Variants in ELMO1 observed in about 807,000 individuals in gnomAD.
The protein encoded by ELMO1 is engulfment and cell motility protein 1.
A neutral mutation model predicts 98.9 loss-of-function variants in ELMO1; 26 were observed. That is an observed-to-expected ratio of 0.26 (90% CI 0.19 to 0.36). The LOEUF (loss-of-function observed/expected upper bound fraction) is 0.36, where lower values mean the gene tolerates loss of function less well. ELMO1 is among the 10% of genes least tolerant of loss of function. ELMO1 has a pLI of 1.00. For missense variants in ELMO1, 627 were observed against 935.2 expected, an observed-to-expected ratio of 0.67 and a Z score of 4.30; for synonymous variants, 346 against 346.0, an observed-to-expected ratio of 1.00 and a Z score of 0.00.
chr7:37,359,247 C>T (rs1305440096), intron 1 of ELMO1, among the ~76,000 whole-genome samples: 3 of 152,192 alleles, frequency 2.0e-5, no homozygotes, highest in Non-Finnish European at 4.4e-5. Context: ...AAATGCACAG[C>T]CATTTTCTCC....
intron 5 of ELMO1, among the ~76,000 whole-genome samples, chr7:37,266,536 A>G (rs534111285): frequency 1.3e-5 from 2 of 152,360 alleles, no homozygotes; most frequent in African/African-American, 4.8e-5. Context: ...AAAAGAAGGC[A>G]TAATGGTCAA....
chr7:37,425,211 G>A (rs1317286393), intron 1 of ELMO1, among the ~76,000 whole-genome samples: 2 of 152,186 alleles, frequency 1.3e-5, no homozygotes, highest in African/African-American at 4.8e-5. Context: ...GTTGGGTTCT[G>A]GTGAGGGTGC....
At chr7:37,448,290 G>C (rs1805736190) in intron 1 of ELMO1, among the ~76,000 whole-genome samples, 1 of 139,270 alleles carries the variant, frequency 7.2e-6, no homozygotes. Flanking sequence ...CGCCAGCGTC[G>C]CAACCCTCCC....
At chr7:37,287,687 C>T (rs1433601038) in intron 4 of ELMO1, among the ~76,000 whole-genome samples, 2 of 152,154 alleles carry the variant, frequency 1.3e-5, no homozygotes, top group Non-Finnish European at 2.9e-5. Context: ...TCATGAACCC[C>T]AGGATAAAAT....
chr7:37,236,373 G>A (rs1794461909), intron 7 of ELMO1, among the ~76,000 whole-genome samples: 2 of 152,186 alleles, frequency 1.3e-5, no homozygotes, highest in Admixed American at 6.6e-5. Flanking sequence ...AGAGCTATAT[G>A]TGCTTCTCAA....
chr7:37,010,759 T>G (rs1206914377), intron 16 of ELMO1, among the ~76,000 whole-genome samples: 1 of 152,212 alleles, frequency 6.6e-6, no homozygotes. Flanking sequence ...CTACTAAATT[T>G]GTGGTAATTT....
chr7:36,883,424 C>T (rs1804655092), intron 18 of ELMO1, among the ~76,000 whole-genome samples: 1 of 152,132 alleles, frequency 6.6e-6, no homozygotes, highest in South Asian at 2.1e-4. Flanking sequence ...TCTGTGTCCT[C>T]ACCAAATCTC....
At chr7:37,348,011 C>T (rs1355662788) in intron 1 of ELMO1, among the ~76,000 whole-genome samples, 2 of 152,224 alleles carry the variant, frequency 1.3e-5, no homozygotes, top group African/African-American at 4.8e-5. Context: ...CCTTTGTCAA[C>T]TTCTCCCCAC....
chr7:37,150,387 T>C (rs1788277423), intron 13 of ELMO1, among the ~76,000 whole-genome samples: 1 of 151,260 alleles, frequency 6.6e-6, no homozygotes, highest in African/African-American at 2.4e-5. Context: ...ACACAATCAG[T>C]GTGTTGACAT....
intron 17 of ELMO1, among the ~76,000 whole-genome samples, chr7:36,888,078 T>C (rs561252804): frequency 5.1e-4 from 77 of 152,332 alleles, no homozygotes; most frequent in Non-Finnish European, 1.0e-3. Flanking sequence ...TGTGATCTGA[T>C]TAAACAGGCA....
intron 1 of ELMO1, among the ~76,000 whole-genome samples, chr7:37,379,158 G>A (rs539621888): frequency 2.0e-5 from 3 of 151,626 alleles, no homozygotes; most frequent in South Asian, 2.1e-4. Context: ...TCTTGCCTCC[G>A]CCTCCCAAGT....
At chr7:37,139,618 T>C (rs961860059) in intron 13 of ELMO1, among the ~76,000 whole-genome samples, 6 of 152,126 alleles carry the variant, frequency 3.9e-5, no homozygotes, top group Non-Finnish European at 8.8e-5. Flanking sequence ...GTAGAATCAA[T>C]ATTGTGAAAA....
intron 15 of ELMO1, among the ~76,000 whole-genome samples, chr7:37,042,209 T>C (rs1323031801): frequency 6.8e-6 from 1 of 146,486 alleles, no homozygotes; most frequent in East Asian, 1.9e-4. Flanking sequence ...TTTCTGACTT[T>C]TGAAAAAAAA....
intron 16 of ELMO1, among the ~76,000 whole-genome samples, chr7:36,897,597 C>T (rs918698460): frequency 2.6e-5 from 4 of 152,132 alleles, no homozygotes; most frequent in Non-Finnish European, 4.4e-5. Context: ...ATGGAAATAG[C>T]AAAGTTAATT....
intron 15 of ELMO1, among the ~76,000 whole-genome samples, chr7:37,054,358 C>T (rs1272365383): frequency 6.6e-6 from 1 of 152,140 alleles, no homozygotes; most frequent in African/African-American, 2.4e-5. Flanking sequence ...CCTTAGCATA[C>T]ACTAACTAAC....
At chr7:37,050,478 C>T (rs1474921667) in intron 15 of ELMO1, among the ~76,000 whole-genome samples, 6 of 152,116 alleles carry the variant, frequency 3.9e-5, no homozygotes, top group East Asian at 1.9e-4. Context: ...CTATGGTGCA[C>T]AAGCCTTACA....
chr7:37,082,933 T>C (rs527804051), intron 15 of ELMO1, among the ~76,000 whole-genome samples: 55 of 152,318 alleles, frequency 3.6e-4, no homozygotes, highest in African/African-American at 1.3e-3. Context: ...AGGTTATACA[T>C]ATGTCACTCA....
intron 4 of ELMO1, among the ~76,000 whole-genome samples, chr7:37,306,214 A>C (rs1437444498): frequency 6.6e-6 from 1 of 152,234 alleles, no homozygotes. Flanking sequence ...CTAATCTAGT[A>C]CCTGAAATAA....
chr7:36,916,919 T>C (rs1246349296), intron 16 of ELMO1, among the ~76,000 whole-genome samples: 1 of 152,172 alleles, frequency 6.6e-6, no homozygotes, highest in Non-Finnish European at 1.5e-5. Flanking sequence ...TGGGTACAAG[T>C]GGTAATTAGC....
Sources: allele counts gnomAD v4.1 joint callset (sites outside exome capture counted in the v4.1 genomes callset), GRCh38; gene constraint gnomAD v4.1.1; transcripts MANE v1.5; gene names NCBI Gene and HGNC (gene_info 2026-07-23, HGNC 2026-07-21).